PLCB1: variants seen among roughly 807,000 people sequenced by gnomAD.
PLCB1 encodes the protein 1-phosphatidylinositol 4,5-bisphosphate phosphodiesterase beta-1.
A neutral mutation model predicts 161.8 loss-of-function variants in PLCB1; 46 were observed. That is an observed-to-expected ratio of 0.28 (90% CI 0.22 to 0.36). The LOEUF is 0.36. Ranked by LOEUF, PLCB1 falls within the 10% of genes least tolerant of loss-of-function variation. The pLI, the probability that PLCB1 is intolerant of heterozygous loss-of-function variation, is 1.00. For synonymous variants in PLCB1, 517 were observed against 503.7 expected (o/e 1.03, Z -0.35); for missense variants, 1,016 against 1,472.5 (o/e 0.69, Z 5.07).
intron 2 of PLCB1, among the ~76,000 whole-genome samples, chr20:8,173,893 T>C (rs1221762529): frequency 6.6e-6 from 1 of 152,168 alleles, no homozygotes; most frequent in Non-Finnish European, 1.5e-5. Context: ...GTGGAAATGA[T>C]AGAAGATAGT....
intron 2 of PLCB1, among the ~76,000 whole-genome samples, chr20:8,205,960 C>T (rs886296615): frequency 2.7e-5 from 4 of 150,918 alleles, no homozygotes; most frequent in Non-Finnish European, 1.5e-5. Context: ...ATAGGTAGAT[C>T]ATCCTCAGTG....
rs1265181253 is a variant in PLCB1 at position 8,368,482 on chromosome 20, G to C, written c.178-2900G>C. On this transcript the variant is annotated intron_variant, in intron 2 of 31. Coordinates refer to ENST00000338037, the MANE Select transcript of PLCB1 (RefSeq NM_015192.4). ...GTAGAAGTTGCAGTGAGTTGAGATT[G>C]CACCACTGCACTTTAGCCTGGGTGA... is the stretch of plus-strand genomic sequence containing the variant. 5.2e-5 allele frequency among the ~76,000 whole-genome samples: 7 copies of C among 134,096 alleles called. No individual in the cohort carries two copies. In the Admixed American group the frequency reaches 5.9e-4, roughly 11 times the overall value. The allele number at this position is 134,096 out of a possible 152,430, so 88.0% of individuals were successfully genotyped here. A position where few individuals can be genotyped will look rare whatever the true frequency, so the allele number is the denominator to read the frequency against.
intron 2 of PLCB1, among the ~76,000 whole-genome samples, chr20:8,199,197 T>C (rs1390223480): frequency 1.3e-5 from 2 of 152,124 alleles, no homozygotes; most frequent in Non-Finnish European, 2.9e-5. Flanking sequence ...TAGCCCCTTC[T>C]GTGGATGATC....
chr20:8,698,931 C>T (rs901224199), intron 11 of PLCB1, among the ~76,000 whole-genome samples: 3 of 152,194 alleles, frequency 2.0e-5, no homozygotes, highest in African/African-American at 7.2e-5. Context: ...GCCACACATT[C>T]ATGTGTATGG....
At chr20:8,207,809 G>T (rs956611122) in intron 2 of PLCB1, among the ~76,000 whole-genome samples, 1 of 152,054 alleles carries the variant, frequency 6.6e-6, no homozygotes, top group East Asian at 1.9e-4. Context: ...TCAAATTTCT[G>T]GGCTCAAGTG....
At chr20:8,351,637 G>A (rs1002573270) in intron 2 of PLCB1, among the ~76,000 whole-genome samples, 3 of 151,782 alleles carry the variant, frequency 2.0e-5, no homozygotes, top group East Asian at 1.9e-4. Flanking sequence ...CTTAAAACCC[G>A]ACAAGAAGAA....
chr20:8,150,613 T>C (rs1568570665), intron 2 of PLCB1, among the ~76,000 whole-genome samples: 1 of 152,168 alleles, frequency 6.6e-6, no homozygotes, highest in Non-Finnish European at 1.5e-5. Context: ...GTTTATATTA[T>C]GTGTTAGGAT....
chr20:8,647,813 A>G, intron 5 of PLCB1, 87 bp from the exon 6 acceptor site: 1 of 1,001,194 alleles, frequency 1.0e-6, no homozygotes, highest in Non-Finnish European at 1.6e-6. Flanking sequence ...GTACAAAGGC[A>G]TGGGCTTTTT....
At chr20:8,632,932 A>T (rs1009495416) in intron 4 of PLCB1, among the ~76,000 whole-genome samples, 1 of 152,070 alleles carries the variant, frequency 6.6e-6, no homozygotes, top group Non-Finnish European at 1.5e-5. Flanking sequence ...CTGAGGACAG[A>T]TGTGATTTGA....
intron 3 of PLCB1, among the ~76,000 whole-genome samples, chr20:8,379,056 G>C (rs1419111522): frequency 1.3e-5 from 2 of 152,058 alleles, no homozygotes; most frequent in African/African-American, 4.8e-5. Context: ...ATGCCATGGT[G>C]GTTTGCTATG....
chr20:8,771,637 G>A lies in PLCB1; in HGVS notation c.2931-2902G>A, dbSNP rs377436897. Among the ~76,000 whole-genome samples the A allele has an allele frequency of 2.0e-3, 308 of 152,128 alleles. 5 individuals carry two copies. The highest frequency in any genetic ancestry group is 0.017 in the Middle Eastern group (5 of 294). On this transcript the variant is annotated intron_variant, in intron 26 of 31. Coordinates refer to ENST00000338037, the MANE Select transcript of PLCB1 (RefSeq NM_015192.4). ...TTGTTTTTATAGAAGATGCAGAGAC[G>A]TTGTTCACTTGTTTTTTTCTTGTGT...
At chr20:8,739,638 T>A (rs1302810469) in intron 21 of PLCB1, among the ~76,000 whole-genome samples, 3 of 152,208 alleles carry the variant, frequency 2.0e-5, no homozygotes, top group Admixed American at 6.5e-5. Flanking sequence ...CGGGTTTGGC[T>A]AATCTAGCCT....
chr20:8,687,274 C>T (rs761040108), intron 10 of PLCB1, among the ~76,000 whole-genome samples: 2 of 152,194 alleles, frequency 1.3e-5, no homozygotes, highest in Non-Finnish European at 2.9e-5. Flanking sequence ...ATCCTTCTGC[C>T]TCAGCCTCCC....
rs772635728 is a variant in PLCB1 at position 8,333,036 on chromosome 20, G to A, written c.178-38346G>A. The stretch of plus-strand genomic sequence containing the variant: ...AAAAGTCTTCTCAACGAGGGACTAC[G>A]TGACCATTTCTCACCAATAAAATGT... On this transcript the variant is annotated intron_variant, in intron 2 of 31. Coordinates refer to ENST00000338037, the MANE Select transcript of PLCB1 (RefSeq NM_015192.4). 6.6e-5 allele frequency among the ~76,000 whole-genome samples: 10 copies of A among 152,170 alleles called. No individual in the cohort carries two copies. The South Asian group carries it at 1.0e-3, about 16-fold the overall frequency.
intron 2 of PLCB1, among the ~76,000 whole-genome samples, chr20:8,345,042 C>T (rs1235145): frequency 0.5 from 75,327 of 151,938 alleles, 19,659 homozygotes; most frequent in African/African-American, 0.67. Context: ...TGTTTTAGTA[C>T]ATTTGGTACA....
chr20:8,629,790 CTTTCTTTCT>C (rs869163876), intron 4 of PLCB1, among the ~76,000 whole-genome samples: 1 of 90,422 alleles, frequency 1.1e-5, no homozygotes, highest in South Asian at 4.6e-4. Flanking sequence ...TCCTTCCTTC[CTTTCTTTCT>C]TTTCTTTCTT....
chr20:8,466,451 T>G (rs539796248), intron 3 of PLCB1, among the ~76,000 whole-genome samples: 1 of 151,858 alleles, frequency 6.6e-6, no homozygotes, highest in East Asian at 1.9e-4. Context: ...TGTGCACATG[T>G]ACCCTAAAAC....
At chr20:8,583,291 A>T (rs1032647337) in intron 3 of PLCB1, among the ~76,000 whole-genome samples, 4 of 152,196 alleles carry the variant, frequency 2.6e-5, no homozygotes, top group African/African-American at 9.6e-5. Context: ...CAATGATTGT[A>T]CAACAACATG....
intron 3 of PLCB1, among the ~76,000 whole-genome samples, chr20:8,509,775 T>TAGATAGATAGATAGATA (rs1445256442): frequency 7.4e-6 from 1 of 135,114 alleles, no homozygotes; most frequent in African/African-American, 2.7e-5. Flanking sequence ...GATAGATAGA[T>TAGATAGATAGATAGATA]AGATAGATAG....
Sources: gnomAD v4.1 joint callset for allele counts (sites outside exome capture counted in the v4.1 genomes callset) on GRCh38, gnomAD v4.1.1 for gene constraint, MANE v1.5 for transcripts, NCBI Gene and HGNC (gene_info 2026-07-23, HGNC 2026-07-21) for gene names.